The following GPI variants were observed in gnomAD, a reference collection of about 807,000 sequenced individuals.
The protein encoded by GPI is D-hexose-6-phosphate anomerase.
Under a neutral mutation model 75.8 loss-of-function variants are expected in GPI, and 56 were observed. The ratio of observed to expected loss-of-function variants is 0.74; its 90% CI spans 0.60 to 0.92. The LOEUF (loss-of-function observed/expected upper bound fraction) is 0.92. Among genes scored for constraint, GPI ranks in the 40% least tolerant of loss-of-function variants. GPI has a pLI of 0.00. For synonymous variants in GPI, 288 were observed against 285.4 expected (o/e 1.01, Z -0.09); for missense variants, 638 against 741.0 (o/e 0.86, Z 1.61).
chr19:34,399,493 C>T (rs2074990911), intron 15 of GPI, 63 bp from the exon 16 acceptor site: 5 of 1,571,708 alleles, frequency 3.2e-6, no homozygotes, highest in Admixed American at 3.3e-5. Context: ...GCAGGGTGTG[C>T]TTCCCTTCAA....
rs1599828027 is a variant in GPI at position 34,379,154 on chromosome 19, T to A, written c.705+149T>A. On this transcript the variant is annotated intron_variant, in intron 7 of 17. Transcript: ENST00000356487. ...TGCCTGCCTTTGCTAGATGAGATGA[T>A]TGTTCATCTTGGCTTTGTCAGACCC... 1.6e-5 allele frequency: 12 copies of A among 742,926 alleles called. No individual in the cohort carries two copies. The East Asian group carries it at 3.1e-4, about 19-fold the overall frequency. 46.0% of individuals were successfully genotyped at this position (742,926 alleles called of 1,614,324 possible).
chr19:34,361,100 CT>C (rs968779496), upstream of GPI, among the ~76,000 whole-genome samples: 6 of 148,390 alleles, frequency 4.0e-5, no homozygotes, highest in Non-Finnish European at 9.0e-5. Flanking sequence ...TCTTTCTTTC[CT>C]TTTTTTTTGA....
At chr19:34,361,947 T>C (rs1476574848), upstream of GPI, among the ~76,000 whole-genome samples, 1 of 151,592 alleles carries the variant, frequency 6.6e-6, no homozygotes, top group Non-Finnish European at 1.5e-5. Flanking sequence ...AAACCCCAAC[T>C]CTACTAAAAA....
rs199888347 is a variant in GPI, at chr19:34,379,502, G to T, written c.706-16G>T. The T allele has an allele frequency of 6.2e-6, 10 of 1,613,574 alleles. No homozygotes were observed. The highest frequency in any genetic ancestry group is 8.5e-6 in the Non-Finnish European group (10 of 1,179,456). ...TCCCTGGGCTGGCTGTGGTAACTTG[G>T]CTCTGTCTCTTGTAGCCTTCTGCAG... On this transcript the variant is annotated splice_polypyrimidine_tract_variant and intron_variant, in intron 7 of 17. Transcript: ENST00000356487.
In GPI at chr19:34,400,599, C is replaced by T. The variant is rs1322733734; in HGVS notation, c.*563C>T. 2.4e-5 allele frequency: 10 copies of T among 420,030 alleles called. No homozygotes were observed. The highest frequency in any genetic ancestry group is 3.8e-5 in the Non-Finnish European group (9 of 237,840). The allele number at this position is 420,030 out of a possible 1,614,324, so 26.0% of individuals were successfully genotyped here. A position where few individuals can be genotyped will look rare whatever the true frequency, so the allele number is the denominator to read the frequency against. ...CTGCAGAAATTGGATACTCTGTTCA[C>T]TCGATGGTTCTAAAAACTGCATTGA... On this transcript the variant is annotated 3_prime_UTR_variant, in exon 18 of 18. Coordinates refer to ENST00000356487, the MANE Select transcript of GPI (RefSeq NM_000175.5).
intron 4 of GPI, among the ~76,000 whole-genome samples, chr19:34,370,822 G>A (rs1009679479): frequency 1.3e-5 from 2 of 152,190 alleles, no homozygotes; most frequent in Non-Finnish European, 2.9e-5. Flanking sequence ...GGAGGCTGGG[G>A]TGGGAGGATT....
intron 4 of GPI, among the ~76,000 whole-genome samples, chr19:34,376,858 G>A (rs1422067107): frequency 6.6e-6 from 1 of 151,990 alleles, no homozygotes; most frequent in Non-Finnish European, 1.5e-5. Context: ...GACCAGCCTG[G>A]CCAACATGGC....
intron 9 of GPI, 36 bp downstream of exon 9, chr19:34,381,555 T>C (rs1053392798): frequency 4.1e-6 from 6 of 1,453,094 alleles, no homozygotes; most frequent in Non-Finnish European, 4.8e-6. Flanking sequence ...GTGAATTAAG[T>C]GTCCTTTGCC....
chr19:34,379,800 C>T, intron 8 of GPI: 1 of 631,202 alleles, frequency 1.6e-6, no homozygotes, highest in Non-Finnish European at 2.9e-6. Context: ...ACCCCTTCTT[C>T]CGTCTCCCAG....
At position 34,393,424 on chromosome 19, in the gene GPI, C is replaced by T. The variant is rs972276609; in HGVS notation, c.865+116C>T. The stretch of plus-strand genomic sequence containing the variant: ...CTGTCCTCACAGGCTGCTGGCCTCT[C>T]TGCAGCTGGCTGGGATATTTATTTC... On this transcript the variant is annotated intron_variant, in intron 10 of 17. Coordinates refer to ENST00000356487, the MANE Select transcript of GPI (RefSeq NM_000175.5). This position sits in a 1 kb window ranked among gnomAD's most constrained non-coding sequence, Gnocchi z 4.4. 1.5e-5 allele frequency: 13 copies of T among 871,610 alleles called. No homozygotes were observed. The highest frequency in any genetic ancestry group is 2.2e-5 in the Non-Finnish European group (11 of 508,952). The allele number at this position is 871,610 out of a possible 1,614,324, so 54.0% of individuals were successfully genotyped here. A position where few individuals can be genotyped will look rare whatever the true frequency, so the allele number is the denominator to read the frequency against.
chr19:34,389,924 C>A (rs1360543814), intron 9 of GPI, among the ~76,000 whole-genome samples: 1 of 152,234 alleles, frequency 6.6e-6, no homozygotes, highest in Non-Finnish European at 1.5e-5. Flanking sequence ...GTTAGGAAGA[C>A]ATCCGTGAAG....
At chr19:34,383,436 G>A (rs8191400) in intron 9 of GPI, among the ~76,000 whole-genome samples, 1,637 of 152,278 alleles carry the variant, frequency 0.011, 14 homozygotes, top group African/African-American at 0.021. Flanking sequence ...CATGGGACAG[G>A]TGTGCACGCT....
chr19:34,394,087 C>A (rs964641421), intron 12 of GPI, 21 bp downstream of exon 12: 1 of 1,600,404 alleles, frequency 6.2e-7, no homozygotes, highest in South Asian at 1.1e-5. Flanking sequence ...CCAAGCCAGG[C>A]CTTGGAGTCA....
chr19:34,401,228 T>G lies in GPI; in HGVS notation c.*1192T>G, dbSNP rs2075017749. ...TTTTTTGTAGAGAGACGGGTCTTTT[T>G]TTTTTTTGAGACGGAGTCTCGCTCT... On this transcript the variant is annotated 3_prime_UTR_variant, in exon 18 of 18. Coordinates refer to ENST00000356487, the MANE Select transcript of GPI (RefSeq NM_000175.5). 1 of 151,638 alleles carries G rather than the reference T, an allele frequency of 6.6e-6. No individual in the cohort carries two copies. The highest frequency in any genetic ancestry group is 1.5e-5 in the Non-Finnish European group (1 of 67,960). 9.4% of individuals were successfully genotyped at this position (151,638 alleles called of 1,614,324 possible).
Position 34,375,402 on chromosome 19 carries a change from T to G in GPI, c.403-2101T>G, listed in dbSNP as rs148351276. ...TGACCTTGTGATCTGCCTGCCTTGG[T>G]CTCCCAAAGTGCCAGGATTACAGGT... is the stretch of plus-strand genomic sequence containing the variant. On this transcript the variant is annotated intron_variant, in intron 4 of 17. Transcript: ENST00000356487. Among the ~76,000 whole-genome samples the G allele has an allele frequency of 2.1e-4, 32 of 152,152 alleles. No individual in the cohort carries two copies. In the East Asian group the frequency reaches 6.0e-3, roughly 29 times the overall value.
intron 4 of GPI, among the ~76,000 whole-genome samples, chr19:34,372,953 T>C (rs558765944): frequency 6.6e-6 from 1 of 152,196 alleles, no homozygotes; most frequent in Non-Finnish European, 1.5e-5. Context: ...TTTGTGTTTT[T>C]AGTAGAGATG....
At chr19:34,362,484 C>G (rs1024353866), upstream of GPI, among the ~76,000 whole-genome samples, 14 of 152,100 alleles carry the variant, frequency 9.2e-5, no homozygotes, top group African/African-American at 2.9e-4. Context: ...CACCTCCTGC[C>G]TCTTTCGCAA....
chr19:34,359,914 C>G (rs1039302458), upstream of GPI: 1 of 152,362 alleles, frequency 6.6e-6, no homozygotes, highest in African/African-American at 2.4e-5. Context: ...CTAGCTTCAT[C>G]AATACTCAGT....
At chr19:34,360,507 G>A (rs988808586), upstream of GPI, among the ~76,000 whole-genome samples, 2 of 152,146 alleles carry the variant, frequency 1.3e-5, no homozygotes, top group East Asian at 1.9e-4. Flanking sequence ...ACCGAGGTGA[G>A]AGAATCGCTT....
Sources: allele counts gnomAD v4.1 joint callset (sites outside exome capture counted in the v4.1 genomes callset), GRCh38; gene constraint gnomAD v4.1.1; non-coding constraint Gnocchi (gnomAD v3.1); transcripts MANE v1.5; gene names NCBI Gene and HGNC (gene_info 2026-07-23, HGNC 2026-07-21).